The following TNRC18 variants were observed in gnomAD, a reference collection of about 807,000 sequenced individuals.
TNRC18 encodes trinucleotide repeat containing 18, also known as trinucleotide repeat-containing gene 18 protein.
TNRC18 carries 69 observed loss-of-function variants against 226.7 expected under a neutral mutation model. The observed-to-expected ratio is 0.30, with a 90% CI of 0.25 to 0.37. TNRC18 has a LOEUF of 0.37. TNRC18 is among the 10% of genes least tolerant of loss of function. TNRC18 has a pLI of 1.00. For missense variants in TNRC18, 4,754 were observed against 4,256.6 expected, an observed-to-expected ratio of 1.12 and a Z score of -3.25; for synonymous variants, 2,449 against 1,927.6, an observed-to-expected ratio of 1.27 and a Z score of -7.09.
intron 2 of TNRC18, among the ~76,000 whole-genome samples, chr7:5,395,075 A>C (rs1005643070): frequency 3.9e-5 from 6 of 152,158 alleles, no homozygotes; most frequent in Non-Finnish European, 5.9e-5. Context: ...CTCCAGCCAG[A>C]GAATCACCTC....
chr7:5,409,543 T>C lies in TNRC18; in HGVS notation c.187+11517A>G, dbSNP rs559218369. ...GCTCAAGGTTGCAGTGAGCAGTGAT[T>C]GCACCACTGAACTCCAGCCCCAGTA... On this transcript the variant is annotated intron_variant, in intron 2 of 29. Coordinates refer to ENST00000430969, the MANE Select transcript of TNRC18 (RefSeq NM_001080495.3). 9.9e-5 allele frequency among the ~76,000 whole-genome samples: 15 copies of C among 151,738 alleles called. No homozygotes were observed. In the South Asian group the frequency reaches 3.1e-3, roughly 32 times the overall value.
In TNRC18 at chr7:5,308,270, G is replaced by C; in HGVS notation, c.8743C>G (p.Gln2915Glu). The C allele has an allele frequency of 6.2e-7, 1 of 1,613,112 alleles. No individual in the cohort carries two copies. Among genetic ancestry groups the C allele is most frequent in the Non-Finnish European group, 8.5e-7 (1 of 1,179,546 alleles). ...ACCAGGCACTTGTGCGACACCGTCT[G>C]CACGTCATTTTCGTCCACATGCGAG... ...QSSHVDENDV[Q>E]TVSHKCLVVG... The change falls in exon 30 of 30, where the codon CAG becomes GAG. Residue 2915 changes from glutamine to glutamate, a missense_variant. By Grantham distance (29) the Gln-to-Glu change is conservative. Coordinates refer to ENST00000430969, the MANE Select transcript of TNRC18 (RefSeq NM_001080495.3).
Position 5,388,797 on chromosome 7 carries a change from T to TG in TNRC18, c.1026dup (p.Lys343GlnfsTer24). ...GCCGCGGGGGGTGCAGGAGGCCCCT[T>TG]GGGGGGCGCGGGCGGCGGGGGCAGC... is the stretch of plus-strand genomic sequence containing the variant. On this transcript the variant is annotated frameshift_variant, in exon 5 of 30. Coordinates refer to ENST00000430969, the MANE Select transcript of TNRC18 (RefSeq NM_001080495.3). LOFTEE classifies it high-confidence loss of function. 2 of 1,153,724 alleles carry TG rather than the reference T, an allele frequency of 1.7e-6. No homozygotes were observed. Among genetic ancestry groups the TG allele is most frequent in the South Asian group, 3.0e-5 (1 of 32,930 alleles). The allele number at this position is 1,153,724 out of a possible 1,614,324, so 71.5% of individuals were successfully genotyped here.
At chr7:5,356,842 G>A in intron 16 of TNRC18, 74 bp downstream of exon 16, 2 of 1,449,588 alleles carry the variant, frequency 1.4e-6, no homozygotes, top group Non-Finnish European at 1.8e-6. Flanking sequence ...GGGGGGGAAG[G>A]AGGACGGTGG....
rs796218180 is a variant in TNRC18, at chr7:5,368,052, A to AG, written c.4219+2322_4219+2323insC. ...AACCATCATGTTATTTGCAACGGAG[A>AG]AAAAAAAAAAACAACTTTGTTTTAA... On this transcript the variant is annotated intron_variant, in intron 11 of 29. Coordinates refer to ENST00000430969, the MANE Select transcript of TNRC18 (RefSeq NM_001080495.3). Among the ~76,000 whole-genome samples the AG allele has an allele frequency of 1.5e-3, 17 of 11,514 alleles. 1 individual carries two copies. In the African/African-American group the frequency reaches 0.037, roughly 25 times the overall value. 7.6% of individuals were successfully genotyped at this position (11,514 alleles called of 152,430 possible).
intron 15 of TNRC18, among the ~76,000 whole-genome samples, chr7:5,358,439 A>C (rs1350188967): frequency 8.5e-5 from 13 of 152,186 alleles, no homozygotes; most frequent in Admixed American, 8.5e-4. Context: ...AGTAAAAACG[A>C]TCTGGTGTTA....
intron 5 of TNRC18, among the ~76,000 whole-genome samples, chr7:5,384,544 C>A (rs1394770532): frequency 6.7e-6 from 1 of 148,714 alleles, no homozygotes; most frequent in Non-Finnish European, 1.5e-5. Context: ...CACACAAACA[C>A]ACGCACAGCC....
At chr7:5,310,921 T>C (rs1417195707) in intron 27 of TNRC18, among the ~76,000 whole-genome samples, 1 of 151,070 alleles carries the variant, frequency 6.6e-6, no homozygotes, top group Non-Finnish European at 1.5e-5. Context: ...TGTTCATGTG[T>C]GTGCACGTGT....
chr7:5,422,331 C>A (rs1584148650), intron 1 of TNRC18, among the ~76,000 whole-genome samples: 2 of 141,666 alleles, frequency 1.4e-5, no homozygotes, highest in Non-Finnish European at 3.1e-5. Context: ...CTCTAGCTTC[C>A]CCCCCCACAA....
intron 3 of TNRC18, among the ~76,000 whole-genome samples, chr7:5,393,884 T>A (rs1780475500): frequency 6.6e-6 from 1 of 152,018 alleles, no homozygotes; most frequent in Non-Finnish European, 1.5e-5. Flanking sequence ...TGGGAAATTT[T>A]TTTTGTGGAG....
chr7:5,337,808 C>T (rs1205348175), intron 18 of TNRC18, among the ~76,000 whole-genome samples: 1 of 151,912 alleles, frequency 6.6e-6, no homozygotes, highest in Admixed American at 6.6e-5. Flanking sequence ...GATGGTGAAA[C>T]CCCATCTCTA....
chr7:5,332,150 C>A (rs1335813117), intron 19 of TNRC18, among the ~76,000 whole-genome samples: 2 of 152,064 alleles, frequency 1.3e-5, no homozygotes, highest in African/African-American at 4.8e-5. Flanking sequence ...CTGTAAGATA[C>A]GGGTGGTCAA....
rs1780257196 is a variant in TNRC18, at chr7:5,391,013, G to A, written c.344-385C>T. 1.3e-5 allele frequency among the ~76,000 whole-genome samples: 2 copies of A among 152,280 alleles called. 1 individual carries two copies. Among genetic ancestry groups the A allele is most frequent in the East Asian group, 3.9e-4 (2 of 5,186 alleles). ...TTTAAAGACGAGAAAACTCAGAGCA[G>A]GCCACTTGCCCAAGACGATACAGCA... On this transcript the variant is annotated intron_variant, in intron 3 of 29. Coordinates refer to ENST00000430969, the MANE Select transcript of TNRC18 (RefSeq NM_001080495.3).
At chr7:5,403,220 G>C (rs1283798863) in intron 2 of TNRC18, among the ~76,000 whole-genome samples, 1 of 151,310 alleles carries the variant, frequency 6.6e-6, no homozygotes, top group Non-Finnish European at 1.5e-5. Flanking sequence ...GAGTGCAATG[G>C]CGTGATCTCA....
intron 10 of TNRC18, 114 bp from the exon 11 acceptor site, chr7:5,371,478 A>C: frequency 1.5e-6 from 2 of 1,309,180 alleles, no homozygotes; most frequent in Non-Finnish European, 2.0e-6. Flanking sequence ...CCCCCTGCTC[A>C]CCCAGCTACA....
chr7:5,376,915 T>C lies in TNRC18; in HGVS notation c.2540A>G (p.Tyr847Cys). The change falls in exon 8 of 30, where the codon TAC becomes TGC. Residue 847 changes from tyrosine to cysteine, a missense_variant. By Grantham distance (194) the Tyr-to-Cys change is radical (BLOSUM62 -2). Coordinates refer to ENST00000430969, the MANE Select transcript of TNRC18 (RefSeq NM_001080495.3). ...CGATTGGGGGTCCCTGACAAACTGG[T>C]AGGCTGACGGGAGGGAGCCCCCCAG... The part of the protein sequence containing the change: ...PGLGGSLPSA[Y>C]QFVRDPQSGQ... 1 of 1,606,864 alleles carries C rather than the reference T, an allele frequency of 6.2e-7. No individual in the cohort carries two copies. The highest frequency in any genetic ancestry group is 8.5e-7 in the Non-Finnish European group (1 of 1,176,834).
At chr7:5,322,657 C>T (rs1207235392) in intron 21 of TNRC18, among the ~76,000 whole-genome samples, 2 of 152,214 alleles carry the variant, frequency 1.3e-5, no homozygotes, top group South Asian at 2.1e-4. Context: ...GCAAACTTGC[C>T]GACGGCGGTC....
At chr7:5,396,290 G>C (rs1427656495) in intron 2 of TNRC18, among the ~76,000 whole-genome samples, 1 of 152,104 alleles carries the variant, frequency 6.6e-6, no homozygotes, top group Non-Finnish European at 1.5e-5. Flanking sequence ...GGAGGTTGCA[G>C]TGAGCTGAGA....
At chr7:5,347,499 C>T (rs531472927) in intron 17 of TNRC18, among the ~76,000 whole-genome samples, 2 of 151,518 alleles carry the variant, frequency 1.3e-5, no homozygotes, top group Non-Finnish European at 2.9e-5. Context: ...CCCAGCCCCC[C>T]CGCAAAAATT....
Sources: gnomAD v4.1 joint callset for allele counts (sites outside exome capture counted in the v4.1 genomes callset) on GRCh38, gnomAD v4.1.1 for gene constraint, MANE v1.5 for transcripts, NCBI Gene and HGNC (gene_info 2026-07-23, HGNC 2026-07-21) for gene names.